LHPP: variants seen among roughly 807,000 people sequenced by gnomAD.
The protein encoded by LHPP is phospholysine phosphohistidine inorganic pyrophosphate phosphatase.
A neutral mutation model predicts 30.3 loss-of-function variants in LHPP; 24 were observed. That is an observed-to-expected ratio of 0.79 (90% CI 0.57 to 1.11). The LOEUF (loss-of-function observed/expected upper bound fraction) is 1.11. Ranked by LOEUF, LHPP falls within the 50% of genes most tolerant of loss-of-function variation. LHPP has a pLI of 0.00. For synonymous variants in LHPP, 150 were observed against 157.1 expected (o/e 0.95, Z 0.34); for missense variants, 356 against 367.2 (o/e 0.97, Z 0.25).
chr10:124,524,821 C>G (rs1196996151), intron 6 of LHPP, among the ~76,000 whole-genome samples: 1 of 152,146 alleles, frequency 6.6e-6, no homozygotes, highest in Non-Finnish European at 1.5e-5. Context: ...GGTGACAGAG[C>G]AAGACCTTGT....
Position 124,523,104 on chromosome 10 carries a change from T to C in LHPP, c.716+5833T>C, listed in dbSNP as rs1954648916. Among the ~76,000 whole-genome samples the C allele has an allele frequency of 6.6e-6, 1 of 152,242 alleles. No homozygotes were observed. Among genetic ancestry groups the C allele is most frequent in the Non-Finnish European group, 1.5e-5 (1 of 68,044 alleles). ...GAAGCCCCTGCGCTAGTCCTGGTGC[T>C]GCTGTGTAAATAAAGCCGCGATGCG... On this transcript the variant is annotated intron_variant, in intron 6 of 6. Transcript: ENST00000368842. The surrounding 1 kb of genome is among the most constrained non-coding windows in gnomAD (Gnocchi z 4.2).
rs1275052916 is a variant in LHPP, at chr10:124,576,487, A to C, written c.717-36777A>C. On this transcript the variant is annotated intron_variant, in intron 6 of 6. Coordinates refer to ENST00000368842, the MANE Select transcript of LHPP (RefSeq NM_022126.4). This position sits in a 1 kb window ranked among gnomAD's most constrained non-coding sequence, Gnocchi z 4.2. ...TCCAGAACCCCTATATCTTGCTCCC[A>C]CTCCCTACCATATGCTGTTCCCAGA... is the stretch of plus-strand genomic sequence containing the variant. 4.9e-5 allele frequency among the ~76,000 whole-genome samples: 7 copies of C among 141,520 alleles called. No individual in the cohort carries two copies. The highest frequency in any genetic ancestry group is 8.0e-5 in the African/African-American group (3 of 37,384). 92.8% of individuals were successfully genotyped at this position (141,520 alleles called of 152,430 possible). A position where few individuals can be genotyped will look rare whatever the true frequency, so the allele number is the denominator to read the frequency against.
chr10:124,466,394 C>G (rs1322837268), intron 1 of LHPP, among the ~76,000 whole-genome samples: 1 of 152,134 alleles, frequency 6.6e-6, no homozygotes, highest in African/African-American at 2.4e-5. Context: ...AAAGTGGGGG[C>G]CACTGTGTGG....
chr10:124,467,029 C>G (rs538227637), intron 1 of LHPP, among the ~76,000 whole-genome samples: 11 of 151,580 alleles, frequency 7.3e-5, no homozygotes, highest in African/African-American at 2.7e-4. Flanking sequence ...GAGGCTGAGG[C>G]AGGAGAACTG....
chr10:124,532,641 C>T (rs1314654940), intron 6 of LHPP, among the ~76,000 whole-genome samples: 1 of 152,280 alleles, frequency 6.6e-6, no homozygotes, highest in East Asian at 1.9e-4. Flanking sequence ...AACAACAATC[C>T]TCCCTATTGG....
At chr10:124,504,218 G>A (rs1273087352) in intron 5 of LHPP, among the ~76,000 whole-genome samples, 2 of 151,274 alleles carry the variant, frequency 1.3e-5, no homozygotes, top group East Asian at 2.0e-4. Context: ...TAATATAAGT[G>A]GTATGATCAC....
At chr10:124,462,010 C>T (rs2133799686) in intron 1 of LHPP, 23 bp downstream of exon 1, 1 of 1,203,300 alleles carries the variant, frequency 8.3e-7, no homozygotes, top group African/African-American at 1.6e-5. Flanking sequence ...CGGGACGCCG[C>T]TGGGGCCGCC....
chr10:124,496,907 C>G lies in LHPP; in HGVS notation c.468-54C>G. On this transcript the variant is annotated intron_variant, in intron 3 of 6. Coordinates refer to ENST00000368842, the MANE Select transcript of LHPP (RefSeq NM_022126.4). This position sits in a 1 kb window ranked among gnomAD's most constrained non-coding sequence, Gnocchi z 4.3. ...TGCTCAGCTCCCGATACTTAGCATC[C>G]TGCGGTCAGCTCCCCGTGCTCAGCA... is the stretch of plus-strand genomic sequence containing the variant. 1 of 1,518,160 alleles carries G rather than the reference C, an allele frequency of 6.6e-7. No homozygotes were observed. Among genetic ancestry groups the G allele is most frequent in the Non-Finnish European group, 9.1e-7 (1 of 1,100,688 alleles). 94.0% of individuals were successfully genotyped at this position (1,518,160 alleles called of 1,614,324 possible).
intron 5 of LHPP, among the ~76,000 whole-genome samples, chr10:124,515,686 A>G (rs1285878094): frequency 2.6e-5 from 4 of 152,220 alleles, no homozygotes; most frequent in African/African-American, 9.6e-5. Flanking sequence ...TGGGGGCAGC[A>G]CCAGAGCAGG....
chr10:124,613,042 G>A, intron 6 of LHPP: 7 of 582,970 alleles, frequency 1.2e-5, no homozygotes, highest in Non-Finnish European at 2.2e-5. Context: ...AGACAGGTTT[G>A]GGGAGGTGTC....
At chr10:124,539,185 G>A (rs565016709) in intron 6 of LHPP, among the ~76,000 whole-genome samples, 5 of 152,160 alleles carry the variant, frequency 3.3e-5, no homozygotes, top group South Asian at 2.1e-4. Flanking sequence ...GACTCCCCTC[G>A]TCCTGAGCTC....
chr10:124,472,271 C>T (rs1952802520), intron 1 of LHPP, among the ~76,000 whole-genome samples: 1 of 152,128 alleles, frequency 6.6e-6, no homozygotes, highest in African/African-American at 2.4e-5. Flanking sequence ...CAAGATTGTG[C>T]TACTGCACCC....
chr10:124,514,689 T>G (rs1481369200), intron 5 of LHPP, among the ~76,000 whole-genome samples: 2 of 152,242 alleles, frequency 1.3e-5, no homozygotes, highest in African/African-American at 4.8e-5. Flanking sequence ...TTTCTTGTGT[T>G]TGGTGTTCAT....
intron 1 of LHPP, among the ~76,000 whole-genome samples, chr10:124,471,280 C>T (rs1952723646): frequency 6.7e-6 from 1 of 150,292 alleles, no homozygotes; most frequent in Non-Finnish European, 1.5e-5. Context: ...AGTCACAGGT[C>T]ACTGGAGGCT....
At chr10:124,476,822 C>A (rs1023755999) in intron 1 of LHPP, among the ~76,000 whole-genome samples, 1 of 152,208 alleles carries the variant, frequency 6.6e-6, no homozygotes, top group African/African-American at 2.4e-5. Flanking sequence ...TCCAAACATG[C>A]GTGTTCAATC....
chr10:124,504,339 C>A (rs1415532855), intron 5 of LHPP, among the ~76,000 whole-genome samples: 1 of 151,394 alleles, frequency 6.6e-6, no homozygotes, highest in Admixed American at 6.6e-5. Context: ...CGCCTGAAAT[C>A]CCAGCACTTT....
At position 124,609,480 on chromosome 10, in the gene LHPP, G is replaced by A. The variant is rs572465712; in HGVS notation, c.717-3784G>A. Among the ~76,000 whole-genome samples, 10 of 152,334 alleles carry A rather than the reference G, an allele frequency of 6.6e-5. No homozygotes were observed. In the South Asian group the frequency reaches 2.1e-3, roughly 32 times the overall value. ...GCTGGTCTTGACCTCCTGGGCTCAA[G>A]CAATCCTCCTGCCTTAGCCTCCCAA... On this transcript the variant is annotated intron_variant, in intron 6 of 6. Transcript: ENST00000368842.
intron 6 of LHPP, among the ~76,000 whole-genome samples, chr10:124,524,306 T>C (rs1173015890): frequency 1.4e-5 from 2 of 145,746 alleles, no homozygotes; most frequent in Non-Finnish European, 3.0e-5. Context: ...AGACAGAGTC[T>C]CACTCTGACA....
At chr10:124,470,235 G>C (rs541209035) in intron 1 of LHPP, among the ~76,000 whole-genome samples, 1 of 152,336 alleles carries the variant, frequency 6.6e-6, no homozygotes, top group African/African-American at 2.4e-5. Context: ...GCATGTGAAA[G>C]GGGGTGGGCA....
Sources: allele counts gnomAD v4.1 joint callset (sites outside exome capture counted in the v4.1 genomes callset), GRCh38; gene constraint gnomAD v4.1.1; non-coding constraint Gnocchi (gnomAD v3.1); transcripts MANE v1.5; gene names NCBI Gene and HGNC (gene_info 2026-07-23, HGNC 2026-07-21).